The following CD74 variants were observed in gnomAD, a reference collection of about 807,000 sequenced individuals.
CD74 encodes the protein CD74 molecule.
In CD74, 20 loss-of-function variants were observed where a neutral mutation model predicts 37.1. That is an observed-to-expected ratio of 0.54 (90% CI 0.38 to 0.78). The LOEUF is 0.78. Among genes scored for constraint, CD74 ranks in the 30% least tolerant of loss-of-function variants. The pLI is 0.00. For synonymous variants in CD74, 150 were observed against 152.0 expected (o/e 0.99, Z 0.10); for missense variants, 338 against 389.5 (o/e 0.87, Z 1.11).
intron 1 of CD74, among the ~76,000 whole-genome samples, chr5:150,410,195 C>G (rs1770259001): frequency 6.6e-6 from 1 of 152,172 alleles, no homozygotes; most frequent in Admixed American, 6.5e-5. Context: ...TCCACCTGTT[C>G]AGTGCTTCTG....
In CD74 at chr5:150,403,384, AC is replaced by A; in HGVS notation, c.626-73del. On this transcript the variant is annotated intron_variant, in intron 6 of 8. Transcript: ENST00000009530. This position sits in a 1 kb window ranked among gnomAD's most constrained non-coding sequence, Gnocchi z 4.5. Reference sequence around the variant, plus strand: ...AACCAGGGTCTGAGCAGAGCTAAAGACCCACACACCACTGCTGTGGGCTTAA... The same window carrying A: ...AACCAGGGTCTGAGCAGAGCTAAAGACCACACACCACTGCTGTGGGCTTAA... 1 of 1,329,232 alleles carries A rather than the reference AC, an allele frequency of 7.5e-7. No individual in the cohort carries two copies. Among genetic ancestry groups the A allele is most frequent in the Non-Finnish European group, 1.1e-6 (1 of 924,940 alleles). The allele number at this position is 1,329,232 out of a possible 1,614,324, so 82.3% of individuals were successfully genotyped here. A position where few individuals can be genotyped will look rare whatever the true frequency, so the allele number is the denominator to read the frequency against.
In CD74 at chr5:150,412,768, G is replaced by T; in HGVS notation, c.-19C>A. ...TGTGCATCTGGGACCCTGACCCCCC[G>T]GCTCGCCTCTTAAAGTCGGTGCTGG... On this transcript the variant is annotated 5_prime_UTR_variant, in exon 1 of 9. Coordinates refer to ENST00000009530, the MANE Select transcript of CD74 (RefSeq NM_001025159.3). 1 of 1,613,564 alleles carries T rather than the reference G, an allele frequency of 6.2e-7. No individual in the cohort carries two copies. The highest frequency in any genetic ancestry group is 1.1e-5 in the South Asian group (1 of 91,044).
Position 150,402,450 on chromosome 5 carries a change from C to A in CD74, c.880+113G>T. On this transcript the variant is annotated intron_variant, in intron 8 of 8. Transcript: ENST00000009530. This position sits in a 1 kb window ranked among gnomAD's most constrained non-coding sequence, Gnocchi z 4.2. ...TTCCTTCGTCTGTGAAATGGACATC[C>A]CAGGAATGTTGGAGAGTGGCCCAGC... 2 of 1,012,268 alleles carry A rather than the reference C, an allele frequency of 2.0e-6. No homozygotes were observed. Among genetic ancestry groups the A allele is most frequent in the Non-Finnish European group, 3.2e-6 (2 of 633,522 alleles). 62.7% of individuals were successfully genotyped at this position (1,012,268 alleles called of 1,614,324 possible). A position where few individuals can be genotyped will look rare whatever the true frequency, so the allele number is the denominator to read the frequency against.
Position 150,412,901 on chromosome 5 carries a change from G to T in CD74, c.-152C>A. The T allele has an allele frequency of 1.3e-6, 2 of 1,509,082 alleles. No individual in the cohort carries two copies. The highest frequency in any genetic ancestry group is 1.3e-5 in the South Asian group (1 of 78,936). 93.5% of individuals were successfully genotyped at this position (1,509,082 alleles called of 1,614,324 possible). On this transcript the variant is annotated 5_prime_UTR_variant, in exon 1 of 9. Coordinates refer to ENST00000009530, the MANE Select transcript of CD74 (RefSeq NM_001025159.3). ...CCACTTTGGTGAAGCTGCCTTTTGCGGGGCAGGATGTGGGGCGGGGGGGCT... is the reference window on the plus strand; with the variant it reads ...CCACTTTGGTGAAGCTGCCTTTTGCTGGGCAGGATGTGGGGCGGGGGGGCT...
intron 1 of CD74, among the ~76,000 whole-genome samples, chr5:150,411,864 G>A (rs920024477): frequency 3.3e-5 from 5 of 152,238 alleles, no homozygotes; most frequent in Non-Finnish European, 1.5e-5. Flanking sequence ...GTAATTAGGA[G>A]GGAACTCCTC....
In CD74 at chr5:150,402,334, G is replaced by A; in HGVS notation, c.881-84C>T. The A allele has an allele frequency of 9.3e-7, 1 of 1,076,932 alleles. No individual in the cohort carries two copies. Among genetic ancestry groups the A allele is most frequent in the Non-Finnish European group, 1.4e-6 (1 of 711,976 alleles). 66.7% of individuals were successfully genotyped at this position (1,076,932 alleles called of 1,614,324 possible). A position where few individuals can be genotyped will look rare whatever the true frequency, so the allele number is the denominator to read the frequency against. On this transcript the variant is annotated intron_variant, in intron 8 of 8. Coordinates refer to ENST00000009530, the MANE Select transcript of CD74 (RefSeq NM_001025159.3). This position sits in a 1 kb window ranked among gnomAD's most constrained non-coding sequence, Gnocchi z 4.2. ...TCTAACATCCTGGACCTGCAGAGCAGTTAAGGACTGTCCACCCTCCCCTGC... is the reference window on the plus strand; with the variant it reads ...TCTAACATCCTGGACCTGCAGAGCAATTAAGGACTGTCCACCCTCCCCTGC...
At position 150,403,314 on chromosome 5, in the gene CD74, T is replaced by A. The variant is rs139582990; in HGVS notation, c.626-2A>T. The stretch of plus-strand genomic sequence containing the variant: ...CCTCTTCCTGGCACTTGGTCAGTAC[T>A]GAAGCGACAGGCATGATGAGGACAC... On this transcript the variant is annotated splice_acceptor_variant, in intron 6 of 8. Coordinates refer to ENST00000009530, the MANE Select transcript of CD74 (RefSeq NM_001025159.3). LOFTEE classifies it high-confidence loss of function. The surrounding 1 kb of genome is among the most constrained non-coding windows in gnomAD (Gnocchi z 4.5). 2 of 1,613,814 alleles carry A rather than the reference T, an allele frequency of 1.2e-6. No individual in the cohort carries two copies. The highest frequency in any genetic ancestry group is 8.5e-7 in the Non-Finnish European group (1 of 1,179,698).
chr5:150,409,967 C>T (rs1421510400), intron 1 of CD74, among the ~76,000 whole-genome samples: 1 of 150,516 alleles, frequency 6.6e-6, no homozygotes, highest in African/African-American at 2.4e-5. Context: ...CAGACTGGCT[C>T]ATTCTCATTG....
In CD74 at chr5:150,401,830, AG is replaced by A; in HGVS notation, c.*409del. 1.6e-6 allele frequency: 1 copy of A among 641,770 alleles called. No homozygotes were observed. The highest frequency in any genetic ancestry group is 2.8e-6 in the Non-Finnish European group (1 of 356,416). The allele number at this position is 641,770 out of a possible 1,614,324, so 39.8% of individuals were successfully genotyped here. ...GCAGGTAAATAGGCTAGAAAAGCCA[AG>A]GCCAAAGGCTGGAGGGGAGAGGACA... On this transcript the variant is annotated 3_prime_UTR_variant, in exon 9 of 9. Coordinates refer to ENST00000009530, the MANE Select transcript of CD74 (RefSeq NM_001025159.3).
intron 1 of CD74, among the ~76,000 whole-genome samples, chr5:150,412,326 C>A (rs1347785419): frequency 1.3e-5 from 2 of 152,220 alleles, no homozygotes; most frequent in African/African-American, 4.8e-5. Flanking sequence ...AAAGCCCCTG[C>A]ATAGCATGTG....
chr5:150,409,704 C>CAAAAAAAAAAAAAAAAA (rs755621804), intron 1 of CD74, among the ~76,000 whole-genome samples: 1 of 89,534 alleles, frequency 1.1e-5, no homozygotes, highest in Non-Finnish European at 2.1e-5. Context: ...AAAAACATAA[C>CAAAAAAAAAAAAAAAAA]AAAAAAAAAA....
At position 150,403,263 on chromosome 5, in the gene CD74, C is replaced by CTGCT; in HGVS notation, c.674_675insAGCA (p.Gly226AlafsTer46). 1.9e-6 allele frequency: 3 copies of CTGCT among 1,613,996 alleles called. No homozygotes were observed. The highest frequency in any genetic ancestry group is 2.5e-6 in the Non-Finnish European group (3 of 1,179,900). ...CGTCGCACTTGGGCCTGAATGAACC[C>CTGCT]GGGTGGACAGCAGGGATGTGGCTGA... is the stretch of plus-strand genomic sequence containing the variant. On this transcript the variant is annotated frameshift_variant, in exon 7 of 9. Transcript: ENST00000009530. LOFTEE classifies it high-confidence loss of function. The surrounding 1 kb of genome is among the most constrained non-coding windows in gnomAD (Gnocchi z 4.5).
chr5:150,407,896 AG>A lies in CD74; in HGVS notation c.126-573del, dbSNP rs1386478751. ...AGCCTCTCCGAGTAGCTGGGACTACAGGCACCCGCCACCACGCCTGGCTAAT... is the reference window on the plus strand; with the variant it reads ...AGCCTCTCCGAGTAGCTGGGACTACAGCACCCGCCACCACGCCTGGCTAAT... On this transcript the variant is annotated intron_variant, in intron 1 of 8. Coordinates refer to ENST00000009530, the MANE Select transcript of CD74 (RefSeq NM_001025159.3). The surrounding 1 kb of genome is among the most constrained non-coding windows in gnomAD (Gnocchi z 4.4). 8.5e-5 allele frequency among the ~76,000 whole-genome samples: 13 copies of A among 152,134 alleles called. No individual in the cohort carries two copies. Among genetic ancestry groups the A allele is most frequent in the African/African-American group, 2.9e-4 (12 of 41,504 alleles).
chr5:150,405,996 C>T (rs1769937512), intron 4 of CD74: 1 of 345,404 alleles, frequency 2.9e-6, no homozygotes, highest in African/African-American at 2.1e-5. Context: ...GTCTCGAACT[C>T]CTGGCCTCAG....
intron 1 of CD74, among the ~76,000 whole-genome samples, chr5:150,409,176 T>C (rs1026573577): frequency 6.7e-6 from 1 of 149,682 alleles, no homozygotes; most frequent in South Asian, 2.1e-4. Flanking sequence ...TGAGCCGAGA[T>C]CACGTCACTG....
At chr5:150,404,802 G>A in intron 5 of CD74, 35 bp from the exon 6 acceptor site, 2 of 1,383,164 alleles carry the variant, frequency 1.4e-6, no homozygotes, top group African/African-American at 1.4e-5. Context: ...AGGTTCGATG[G>A]CCACCACCAA....
rs777903688 is a variant in CD74 at position 150,402,261 on chromosome 5, A to AAGC, written c.881-14_881-12dup. On this transcript the variant is annotated splice_polypyrimidine_tract_variant and intron_variant, in intron 8 of 8. Coordinates refer to ENST00000009530, the MANE Select transcript of CD74 (RefSeq NM_001025159.3). This position sits in a 1 kb window ranked among gnomAD's most constrained non-coding sequence, Gnocchi z 4.2. ...GCTCTCACATGGGGACTGGAGAGAGAAGCAGCAGGTTGAGGTTGGGGTCAC... is the reference window on the plus strand; with the variant it reads ...GCTCTCACATGGGGACTGGAGAGAGAAGCAGCAGCAGGTTGAGGTTGGGGTCAC... The AAGC allele has an allele frequency of 2.4e-5, 38 of 1,585,562 alleles. No individual in the cohort carries two copies. Among genetic ancestry groups the AAGC allele is most frequent in the Non-Finnish European group, 3.0e-5 (35 of 1,160,702 alleles).
At chr5:150,405,659 G>C (rs1325006506) in intron 4 of CD74, 1 of 162,364 alleles carries the variant, frequency 6.2e-6, no homozygotes, top group Non-Finnish European at 1.3e-5. Flanking sequence ...TGGGCCCAGA[G>C]CCTTGCACAG....
At position 150,405,133 on chromosome 5, in the gene CD74, C is replaced by T. The variant is rs368808038; in HGVS notation, c.489G>A (p.Pro163=). 1.6e-4 allele frequency: 259 copies of T among 1,610,888 alleles called. 1 individual carries two copies. Among genetic ancestry groups the T allele is most frequent in the Middle Eastern group, 8.2e-4 (5 of 6,064 alleles). The change falls in exon 5 of 9, where the codon CCG becomes CCA. Residue 163 remains proline (P), a synonymous_variant. Coordinates refer to ENST00000009530, the MANE Select transcript of CD74 (RefSeq NM_001025159.3). ...KVYPPLKGSF[P]ENLRHLKNTM... is the part of the protein sequence containing the mutation. ...TGTTCTTAAGGTGTCTCAGGTTCTC[C>T]GGGAAGCTCCCCTTCAGTGGCGGGT...
Sources: allele counts gnomAD v4.1 joint callset (sites outside exome capture counted in the v4.1 genomes callset), GRCh38; gene constraint gnomAD v4.1.1; non-coding constraint Gnocchi (gnomAD v3.1); transcripts MANE v1.5; gene names NCBI Gene and HGNC (gene_info 2026-07-23, HGNC 2026-07-21).